The following PKHD1L1 variants were observed in gnomAD, a reference collection of about 807,000 sequenced individuals.
PKHD1L1 encodes the protein fibrocystin-L.
A neutral mutation model predicts 462.9 loss-of-function variants in PKHD1L1; 434 were observed. The ratio of observed to expected loss-of-function variants is 0.94; its 90% CI spans 0.87 to 1.02. The LOEUF (loss-of-function observed/expected upper bound fraction) is 1.02. Ranked by LOEUF, PKHD1L1 falls within the 50% of genes least tolerant of loss-of-function variation. PKHD1L1 has a pLI of 0.00. For missense variants in PKHD1L1, 5,202 were observed against 5,096.1 expected (o/e 1.02, Z -0.63); for synonymous variants, 1,781 against 1,750.0 (o/e 1.02, Z -0.44).
intron 46 of PKHD1L1, among the ~76,000 whole-genome samples, chr8:109,457,449 A>T (rs1364811602): frequency 6.6e-6 from 1 of 152,154 alleles, no homozygotes; most frequent in Admixed American, 6.6e-5. Context: ...AGGGCTATTT[A>T]GTTTTCAGAA....
chr8:109,484,202 A>G (rs1818414825), intron 57 of PKHD1L1, among the ~76,000 whole-genome samples: 1 of 151,878 alleles, frequency 6.6e-6, no homozygotes, highest in African/African-American at 2.4e-5. Context: ...TTTATTTGTG[A>G]TAGTTCTGGT....
chr8:109,535,253 A>G lies in PKHD1L1; in HGVS notation c.*5163A>G, dbSNP rs72669129. ...AAGATATTTATGACTGTGCCTGGCTACATGGCAATAGTATTTTCCTTTGGT... is the reference window on the plus strand; with the variant it reads ...AAGATATTTATGACTGTGCCTGGCTGCATGGCAATAGTATTTTCCTTTGGT... On this transcript the variant is annotated 3_prime_UTR_variant, in exon 78 of 78. Coordinates refer to ENST00000378402, the MANE Select transcript of PKHD1L1 (RefSeq NM_177531.6). Among the ~76,000 whole-genome samples the G allele has an allele frequency of 0.18, 27,246 of 152,148 alleles. 2,616 individuals carry two copies. Among genetic ancestry groups the G allele is most frequent in the South Asian group, 0.37 (1,773 of 4,820 alleles).
chr8:109,435,753 A>C (rs1298518206), intron 29 of PKHD1L1, among the ~76,000 whole-genome samples: 2 of 152,222 alleles, frequency 1.3e-5, no homozygotes, highest in East Asian at 3.8e-4. Flanking sequence ...GGGCTAACAC[A>C]CAGGATGGAA....
intron 2 of PKHD1L1, among the ~76,000 whole-genome samples, chr8:109,374,579 C>T (rs1052435505): frequency 3.9e-5 from 6 of 152,194 alleles, no homozygotes; most frequent in African/African-American, 1.4e-4. Flanking sequence ...TTAGTTGATG[C>T]AGTTTCTTCC....
At chr8:109,480,374 A>G (rs370288551) in intron 55 of PKHD1L1, among the ~76,000 whole-genome samples, 31 of 152,196 alleles carry the variant, frequency 2.0e-4, no homozygotes, top group African/African-American at 7.5e-4. Context: ...CAGTTGGCCC[A>G]GTTTCCATTG....
intron 16 of PKHD1L1, among the ~76,000 whole-genome samples, chr8:109,405,768 G>A (rs1006914772): frequency 6.6e-6 from 1 of 151,882 alleles, no homozygotes; most frequent in Non-Finnish European, 1.5e-5. Context: ...GGTGATGATG[G>A]GTTGATAGGT....
chr8:109,474,977 G>A (rs1031894767), intron 50 of PKHD1L1, 141 bp from the exon 51 acceptor site: 3 of 624,046 alleles, frequency 4.8e-6, no homozygotes, highest in Non-Finnish European at 7.8e-6. Context: ...TTTAAAGACT[G>A]TCATAGACTA....
intron 19 of PKHD1L1, 58 bp downstream of exon 19, chr8:109,410,036 T>C: frequency 1.1e-6 from 1 of 913,738 alleles, no homozygotes; most frequent in Non-Finnish European, 1.6e-6. Context: ...ATAATGGTTT[T>C]AAATTTTATA....
chr8:109,365,703 C>T (rs1198984863), intron 2 of PKHD1L1, among the ~76,000 whole-genome samples: 1 of 152,152 alleles, frequency 6.6e-6, no homozygotes, highest in East Asian at 1.9e-4. Flanking sequence ...GGGCTAGGCG[C>T]GGTGGCTCAA....
intron 2 of PKHD1L1, among the ~76,000 whole-genome samples, chr8:109,367,830 G>A (rs1333470223): frequency 6.6e-6 from 1 of 152,216 alleles, no homozygotes; most frequent in Non-Finnish European, 1.5e-5. Context: ...TTGAGGCCAG[G>A]AGTTTAAGGC....
At position 109,385,536 on chromosome 8, in the gene PKHD1L1, G is replaced by A; in HGVS notation, c.476-1G>A. On this transcript the variant is annotated splice_acceptor_variant, in intron 5 of 77. Transcript: ENST00000378402. LOFTEE classifies it high-confidence loss of function. The stretch of plus-strand genomic sequence containing the variant: ...TTTTTGGGGTTTTTGTTTGTTTTCA[G>A]GTACACTAATAACAATCCAAGGCAG... The A allele has an allele frequency of 1.9e-6, 3 of 1,578,812 alleles. No homozygotes were observed. The highest frequency in any genetic ancestry group is 2.6e-6 in the Non-Finnish European group (3 of 1,157,160).
Position 109,485,216 on chromosome 8 carries a change from G to A in PKHD1L1, c.9706+43G>A, listed in dbSNP as rs770108641. 4.6e-5 allele frequency: 65 copies of A among 1,416,892 alleles called. No individual in the cohort carries two copies. The Admixed American group carries it at 1.5e-3, about 33-fold the overall frequency. 87.8% of individuals were successfully genotyped at this position (1,416,892 alleles called of 1,614,324 possible). A position where few individuals can be genotyped will look rare whatever the true frequency, so the allele number is the denominator to read the frequency against. ...AACCAAATAGATATATAATTGTGTT[G>A]AAAGATTCACATTTACTCTGTAATT... On this transcript the variant is annotated intron_variant, in intron 58 of 77. Coordinates refer to ENST00000378402, the MANE Select transcript of PKHD1L1 (RefSeq NM_177531.6).
In PKHD1L1 at chr8:109,452,801, T is replaced by A. The variant is rs1260806288; in HGVS notation, c.6591T>A (p.Leu2197=). 1 of 1,536,746 alleles carries A rather than the reference T, an allele frequency of 6.5e-7. No homozygotes were observed. Among genetic ancestry groups the A allele is most frequent in the East Asian group, 2.4e-5 (1 of 40,876 alleles). Reference sequence around the variant, plus strand: ...AATCTCCCCCAGAAGAAGGATCTCTTGTTGTTATTACAAAAGGACAGACCA... The same window carrying A: ...AATCTCCCCCAGAAGAAGGATCTCTAGTTGTTATTACAAAAGGACAGACCA... ...GGKSPPEEGS[L]VVITKGQTIL... The change falls in exon 43 of 78, where the codon CTT becomes CTA. Residue 2197 remains leucine (L), a synonymous_variant. Transcript: ENST00000378402.
rs1389295499 is a variant in PKHD1L1, at chr8:109,406,295, T to C, written c.1670-40T>C. On this transcript the variant is annotated intron_variant, in intron 16 of 77. Transcript: ENST00000378402. ...TGCAGTAGCTCAGAAAGATTTCAACTTTTCTGTTTGTTTGTTTGTTTGTTT... is the reference window on the plus strand; with the variant it reads ...TGCAGTAGCTCAGAAAGATTTCAACCTTTCTGTTTGTTTGTTTGTTTGTTT... The C allele has an allele frequency of 2.0e-6, 3 of 1,518,748 alleles. No individual in the cohort carries two copies. In the Admixed American group the frequency reaches 6.6e-5, roughly 34 times the overall value. 94.1% of individuals were successfully genotyped at this position (1,518,748 alleles called of 1,614,324 possible).
chr8:109,511,542 G>T (rs1322554741), intron 71 of PKHD1L1, among the ~76,000 whole-genome samples: 1 of 151,660 alleles, frequency 6.6e-6, no homozygotes, highest in East Asian at 1.9e-4. Flanking sequence ...TTTTATGGCT[G>T]CATAGTATTC....
At chr8:109,525,746 A>G (rs1481888877) in intron 76 of PKHD1L1, among the ~76,000 whole-genome samples, 2 of 152,222 alleles carry the variant, frequency 1.3e-5, no homozygotes, top group African/African-American at 4.8e-5. Flanking sequence ...TGCCACAAAA[A>G]TTCAGATTTT....
At position 109,405,111 on chromosome 8, in the gene PKHD1L1, C is replaced by A. The variant is rs1236196020; in HGVS notation, c.1650C>A (p.Ile550=). The A allele has an allele frequency of 1.3e-6, 2 of 1,486,634 alleles. No individual in the cohort carries two copies. The highest frequency in any genetic ancestry group is 9.2e-7 in the Non-Finnish European group (1 of 1,089,802). 92.1% of individuals were successfully genotyped at this position (1,486,634 alleles called of 1,614,324 possible). Residue 550 remains isoleucine, a synonymous_variant, in exon 16 of 78, where the codon ATC becomes ATA. Coordinates refer to ENST00000378402, the MANE Select transcript of PKHD1L1 (RefSeq NM_177531.6). ...GTTCACTTTACCAATATAGATTAAT[C>A]TATAATATGGAAAAAACTGGTAAGT... ...NSCSLYQYRL[I]YNMEKTVFLP... is the part of the protein sequence containing the mutation.
chr8:109,419,254 T>C lies in PKHD1L1; in HGVS notation c.2518T>C (p.Leu840=), dbSNP rs767006238. ...TGGACACACATCTACAATCTCAACA[T>C]TGGATGGTATGTTGTATCATTTTAT... ...YIGHTSTIST[L]DEMPKRRLPA... The change falls in exon 22 of 78, where the codon TTG becomes CTG. Residue 840 remains leucine (L), a synonymous_variant. Transcript: ENST00000378402. 1 of 1,596,130 alleles carries C rather than the reference T, an allele frequency of 6.3e-7. No individual in the cohort carries two copies. The highest frequency in any genetic ancestry group is 1.1e-5 in the South Asian group (1 of 88,366).
At chr8:109,438,246 A>G in intron 30 of PKHD1L1, 78 bp from the exon 31 acceptor site, 2 of 1,066,186 alleles carry the variant, frequency 1.9e-6, no homozygotes, top group Non-Finnish European at 2.6e-6. Context: ...TTTATTCTGA[A>G]TAATCTATTT....
Sources: allele counts gnomAD v4.1 joint callset (sites outside exome capture counted in the v4.1 genomes callset), GRCh38; gene constraint gnomAD v4.1.1; transcripts MANE v1.5; gene names NCBI Gene and HGNC (gene_info 2026-07-23, HGNC 2026-07-21).